Variants in PPEF1 observed in about 807,000 individuals in gnomAD.
PPEF1 encodes the protein serine/threonine-protein phosphatase with EF-hands 1.
PPEF1 carries 12 observed loss-of-function variants against 53.3 expected under a neutral mutation model. The observed-to-expected ratio is 0.23, with a 90% CI of 0.14 to 0.36. The LOEUF is 0.36. Among genes scored for constraint, PPEF1 ranks in the 10% least tolerant of loss-of-function variants. PPEF1 has a pLI of 1.00. For missense variants in PPEF1, 334 were observed against 490.4 expected (o/e 0.68, Z 3.01); for synonymous variants, 165 against 176.7 (o/e 0.93, Z 0.52).
intron 6 of PPEF1, among the ~76,000 whole-genome samples, chrX:18,762,229 G>C (rs1354149825): frequency 9.0e-6 from 1 of 111,414 alleles, no homozygotes; most frequent in Non-Finnish European, 1.9e-5. Context: ...ATGGCTGACT[G>C]CATATGGAAA....
intron 4 of PPEF1, among the ~76,000 whole-genome samples, chrX:18,693,421 A>C (rs1310523744): frequency 9.0e-6 from 1 of 111,496 alleles, no homozygotes; most frequent in Non-Finnish European, 1.9e-5. Context: ...GTCTTTCTCT[A>C]TCTTTTATGC....
chrX:18,716,043 A>G (rs1056643120), intron 1 of PPEF1, among the ~76,000 whole-genome samples: 1 of 112,119 alleles, frequency 8.9e-6, no homozygotes, highest in Admixed American at 9.5e-5. Flanking sequence ...TAAGAGGCCG[A>G]CAAAGACAAT....
intron 6 of PPEF1, among the ~76,000 whole-genome samples, chrX:18,765,164 A>C (rs757071150): frequency 8.9e-6 from 1 of 112,034 alleles, no homozygotes; most frequent in South Asian, 3.7e-4. Flanking sequence ...GGATTTGGGT[A>C]GAGAGGTGAG....
intron 1 of PPEF1, among the ~76,000 whole-genome samples, chrX:18,712,877 G>T (rs2044359559): frequency 8.9e-6 from 1 of 111,803 alleles, no homozygotes; most frequent in Non-Finnish European, 1.9e-5. Context: ...TGATCTTGTG[G>T]TTTTTGTCCT....
At chrX:18,791,979 T>C (rs1006065502) in intron 10 of PPEF1, among the ~76,000 whole-genome samples, 7 of 112,778 alleles carry the variant, frequency 6.2e-5, no homozygotes, top group Admixed American at 1.9e-4. Flanking sequence ...GTATATTATA[T>C]TGATTGATTT....
At chrX:18,821,717 A>G (rs1280282199) in intron 13 of PPEF1, among the ~76,000 whole-genome samples, 1 of 108,399 alleles carries the variant, frequency 9.2e-6, no homozygotes, top group African/African-American at 3.3e-5. Flanking sequence ...CGGCCAAAAA[A>G]TGGTTCTTTG....
chrX:18,700,223 C>T (rs1406435059), intron 5 of PPEF1: 1 of 99,878 alleles, frequency 1.0e-5, no homozygotes, highest in Non-Finnish European at 2.0e-5. Flanking sequence ...TAAGCAAGAG[C>T]TCTCTCTGCA....
chrX:18,719,983 C>T (rs1022258783), intron 1 of PPEF1, among the ~76,000 whole-genome samples: 2 of 111,800 alleles, frequency 1.8e-5, no homozygotes, highest in African/African-American at 3.3e-5. Context: ...GATCCAAGTT[C>T]GCTCAGTGAT....
chrX:18,763,580 C>G (rs1288869171), intron 6 of PPEF1, among the ~76,000 whole-genome samples: 9 of 110,710 alleles, frequency 8.1e-5, no homozygotes, highest in Non-Finnish European at 1.5e-4. Flanking sequence ...GCTGTGAGAG[C>G]TTGAGTAAGC....
intron 1 of PPEF1, among the ~76,000 whole-genome samples, chrX:18,723,591 G>A (rs1032981930): frequency 9.0e-6 from 1 of 111,176 alleles, no homozygotes; most frequent in Non-Finnish European, 1.9e-5. Flanking sequence ...TGCCCCAGGT[G>A]CTGCGGATGC....
upstream of PPEF1, among the ~76,000 whole-genome samples, chrX:18,680,114 A>G (rs1033374232): frequency 1.9e-5 from 2 of 106,966 alleles, no homozygotes; most frequent in African/African-American, 3.4e-5. Flanking sequence ...AAAAAATCCT[A>G]TAACTTTGCC....
chrX:18,768,944 G>C (rs1175929153), intron 6 of PPEF1, among the ~76,000 whole-genome samples: 1 of 112,362 alleles, frequency 8.9e-6, no homozygotes, highest in African/African-American at 3.2e-5. Flanking sequence ...TAGTAATTTA[G>C]TAAGTGCCTA....
chrX:18,735,802 C>A (rs1316328545), intron 3 of PPEF1, among the ~76,000 whole-genome samples: 4 of 110,921 alleles, frequency 3.6e-5, no homozygotes, highest in Admixed American at 1.9e-4. Flanking sequence ...CTTTTATTTC[C>A]TTGAGCAGTG....
intron 12 of PPEF1, among the ~76,000 whole-genome samples, chrX:18,811,668 G>C (rs1316374366): frequency 1.0e-5 from 1 of 99,626 alleles, no homozygotes; most frequent in Non-Finnish European, 2.0e-5. Context: ...CCCAGGCAAA[G>C]GCGATCATGG....
intron 1 of PPEF1, among the ~76,000 whole-genome samples, chrX:18,724,778 G>A (rs6629291): frequency 0.068 from 7,482 of 110,643 alleles, 647 homozygotes; most frequent in African/African-American, 0.23. Flanking sequence ...GGGCAGGGTG[G>A]GGGGTTATGG....
chrX:18,825,228 A>T (rs2047144645), intron 14 of PPEF1, among the ~76,000 whole-genome samples: 2 of 111,407 alleles, frequency 1.8e-5, no homozygotes, highest in Admixed American at 9.7e-5. Context: ...TGCAGTGAAG[A>T]TGAGACGTTA....
chrX:18,794,583 T>G (rs190955562), intron 10 of PPEF1, among the ~76,000 whole-genome samples: 225 of 112,796 alleles, frequency 2.0e-3, no homozygotes, highest in Middle Eastern at 9.2e-3. Context: ...GCATAGCACC[T>G]CCTCCTTATG....
upstream of PPEF1, among the ~76,000 whole-genome samples, chrX:18,705,288 C>T (rs1042710807): frequency 1.8e-5 from 2 of 112,133 alleles, no homozygotes; most frequent in Admixed American, 1.9e-4. Flanking sequence ...ATGAAGGTAA[C>T]GGATCTGTGG....
intron 10 of PPEF1, among the ~76,000 whole-genome samples, chrX:18,793,192 C>T (rs2046355662): frequency 9.1e-6 from 1 of 109,315 alleles, no homozygotes; most frequent in African/African-American, 3.3e-5. Flanking sequence ...AGCTCCATCC[C>T]TTAAGTTTGC....
Sources: gnomAD v4.1 joint callset for allele counts (sites outside exome capture counted in the v4.1 genomes callset) on GRCh38, gnomAD v4.1.1 for gene constraint, MANE v1.5 for transcripts, NCBI Gene and HGNC (gene_info 2026-07-23, HGNC 2026-07-21) for gene names.